Variants in ABCB5 observed in about 807,000 individuals in gnomAD.
ABCB5 encodes ATP binding cassette subfamily B member 5.
A neutral mutation model predicts 144.2 loss-of-function variants in ABCB5; 155 were observed. That is an observed-to-expected ratio of 1.08 (90% CI 0.94 to 1.23). The LOEUF (loss-of-function observed/expected upper bound fraction) is 1.23, where lower values mean the gene tolerates loss of function less well. ABCB5 is among the 50% of genes most tolerant of loss of function. ABCB5 has a pLI of 0.00. For missense variants in ABCB5, 1,830 were observed against 1,520.8 expected (o/e 1.20, Z -3.38); for synonymous variants, 610 against 528.6 (o/e 1.15, Z -2.11).
intron 14 of ABCB5, among the ~76,000 whole-genome samples, chr7:20,671,850 A>C (rs545014647): frequency 6.6e-6 from 1 of 152,328 alleles, no homozygotes; most frequent in Admixed American, 6.5e-5. Context: ...CTGGGATTTA[A>C]ATGGCTGAAT....
chr7:20,714,624 G>A (rs917313201), intron 20 of ABCB5, among the ~76,000 whole-genome samples: 1 of 152,024 alleles, frequency 6.6e-6, no homozygotes, highest in Non-Finnish European at 1.5e-5. Context: ...GTTCTCGGTC[G>A]CACTGACTGA....
intron 20 of ABCB5, 106 bp downstream of exon 20, chr7:20,704,913 A>G (rs948588861): frequency 2.6e-5 from 21 of 816,462 alleles, no homozygotes; most frequent in Middle Eastern, 2.6e-4. Context: ...GATGACCCAC[A>G]TCATTAATGA....
rs1562533943 is a variant in ABCB5 at position 20,643,247 on chromosome 7, C to T, written c.378C>T (p.Ser126=). ...TGATTTTTGGTTACATACAGATTTC[C>T]TTGTGGATTATAACTGCAGCACGAC... ...AALIFGYIQI[S]LWIITAARQT... Residue 126 remains serine, a synonymous_variant, in exon 6 of 28, where the codon TCC becomes TCT. Coordinates refer to ENST00000404938, the MANE Select transcript of ABCB5 (RefSeq NM_001163941.2). The T allele has an allele frequency of 4.3e-6, 7 of 1,613,476 alleles. No individual in the cohort carries two copies. The highest frequency in any genetic ancestry group is 5.9e-6 in the Non-Finnish European group (7 of 1,179,740).
intron 5 of ABCB5, among the ~76,000 whole-genome samples, chr7:20,636,654 G>A (rs1454810588): frequency 6.6e-6 from 1 of 151,530 alleles, no homozygotes; most frequent in South Asian, 2.1e-4. Context: ...GCATGGTGGT[G>A]GGCACCTGTA....
chr7:20,751,907 A>G (rs1342123835), intron 26 of ABCB5, among the ~76,000 whole-genome samples: 1 of 152,244 alleles, frequency 6.6e-6, no homozygotes, highest in Non-Finnish European at 1.5e-5. Context: ...TATTTTTACT[A>G]GGCTTTAGTA....
intron 16 of ABCB5, among the ~76,000 whole-genome samples, chr7:20,694,090 A>T (rs1011942171): frequency 1.6e-4 from 24 of 151,772 alleles, no homozygotes; most frequent in African/African-American, 4.8e-4. Flanking sequence ...TCTATTAAAA[A>T]AAAAAGTGAT....
chr7:20,753,139 T>C (rs1441631154), intron 26 of ABCB5, among the ~76,000 whole-genome samples: 1 of 152,206 alleles, frequency 6.6e-6, no homozygotes, highest in Non-Finnish European at 1.5e-5. Context: ...ATGGCAGAGG[T>C]CTGCTGTCTG....
intron 14 of ABCB5, among the ~76,000 whole-genome samples, chr7:20,670,846 T>G (rs1583414334): frequency 1.3e-5 from 2 of 151,962 alleles, no homozygotes; most frequent in Admixed American, 6.6e-5. Context: ...GAGGCGGAGG[T>G]TGCAGTGAGC....
chr7:20,717,904 T>TTTC (rs1781733922), intron 20 of ABCB5, among the ~76,000 whole-genome samples: 1 of 109,538 alleles, frequency 9.1e-6, no homozygotes, highest in Non-Finnish European at 1.8e-5. Flanking sequence ...TTTTTTTTTT[T>TTTC]TTTTTTTTTT....
chr7:20,728,387 T>G lies in ABCB5; in HGVS notation c.2799T>G (p.Tyr933Ter). ...GCCATGCCTTTATATATTTTGCCTA[T>G]GCGGCAGGGTTTCGATTTGGAGCCT... The part of the protein sequence containing the change: ...AFSHAFIYFA[Y>*]AAGFRFGAYL... The change falls in exon 23 of 28, where the codon TAT (tyrosine) becomes TAG (stop). Residue 933 changes from tyrosine (Y) to a stop codon, truncating the protein, a stop_gained. Transcript: ENST00000404938. LOFTEE classifies it high-confidence loss of function. 6.2e-7 allele frequency: 1 copy of G among 1,614,174 alleles called. No individual in the cohort carries two copies. The highest frequency in any genetic ancestry group is 8.5e-7 in the Non-Finnish European group (1 of 1,180,018).
intron 14 of ABCB5, among the ~76,000 whole-genome samples, chr7:20,664,094 A>C (rs1226238333): frequency 1.3e-5 from 2 of 151,960 alleles, no homozygotes; most frequent in Non-Finnish European, 2.9e-5. Context: ...AAGAACAGTG[A>C]AAAAAAATTA....
intron 14 of ABCB5, among the ~76,000 whole-genome samples, chr7:20,661,534 C>CTCCTTTTTTT (rs1406657803): frequency 7.6e-6 from 1 of 132,388 alleles, no homozygotes; most frequent in African/African-American, 3.2e-5. Context: ...TCTTTCTTTT[C>CTCCTTTTTTT]TTTTTCTTTT....
At position 20,756,365 on chromosome 7, in the gene ABCB5, G is replaced by T. The variant is rs770180176; in HGVS notation, c.*741G>T. 1 of 152,384 alleles carries T rather than the reference G, an allele frequency of 6.6e-6. No individual in the cohort carries two copies. The highest frequency in any genetic ancestry group is 1.5e-5 in the Non-Finnish European group (1 of 68,082). The allele number at this position is 152,384 out of a possible 1,614,324, so 9.4% of individuals were successfully genotyped here. On this transcript the variant is annotated 3_prime_UTR_variant, in exon 28 of 28. Transcript: ENST00000404938. Reference sequence around the variant, plus strand: ...TTAAAATAAGAGCTACTTTTGGGCCGGGTGCGGTGGCTCACGCCTGTAATC... The same window carrying T: ...TTAAAATAAGAGCTACTTTTGGGCCTGGTGCGGTGGCTCACGCCTGTAATC...
chr7:20,638,842 T>C (rs1170613584), intron 5 of ABCB5, among the ~76,000 whole-genome samples: 1 of 152,220 alleles, frequency 6.6e-6, no homozygotes, highest in Non-Finnish European at 1.5e-5. Context: ...CTTCTTTGTG[T>C]GAACATACGT....
chr7:20,667,610 C>G, intron 14 of ABCB5: 1 of 902,320 alleles, frequency 1.1e-6, no homozygotes, highest in Non-Finnish European at 1.3e-6. Context: ...TGGGTCACAT[C>G]ACGTGGCTTC....
rs1362053177 is a variant in ABCB5, at chr7:20,647,972, C to A, written c.1100C>A (p.Pro367His). 6.3e-7 allele frequency: 1 copy of A among 1,579,784 alleles called. No homozygotes were observed. The highest frequency in any genetic ancestry group is 1.1e-5 in the South Asian group (1 of 90,196). The change falls in exon 11 of 28, where the codon CCC becomes CAC. Residue 367 changes from proline (P) to histidine (H), a missense_variant. Transcript: ENST00000404938. Reference protein sequence around the residue: ...FHIFQVIDKKPSIDNFSTAGY... With the variant: ...FHIFQVIDKKHSIDNFSTAGY... Reference sequence around the variant, plus strand: ...CATTTCCTTTGTTTTTCCAAGAAACCCAGTATAGATAACTTTTCCACAGCT... The same window carrying A: ...CATTTCCTTTGTTTTTCCAAGAAACACAGTATAGATAACTTTTCCACAGCT...
At chr7:20,732,115 T>C (rs986058575) in intron 23 of ABCB5, among the ~76,000 whole-genome samples, 3 of 152,202 alleles carry the variant, frequency 2.0e-5, no homozygotes, top group Non-Finnish European at 4.4e-5. Flanking sequence ...ATCTCCCATG[T>C]TAACTACTCA....
At position 20,738,312 on chromosome 7, in the gene ABCB5, G is replaced by A. The variant is rs145718699; in HGVS notation, c.2868-671G>A. Among the ~76,000 whole-genome samples the A allele has an allele frequency of 7.3e-3, 1,107 of 152,304 alleles. 9 individuals are homozygous for A. Among genetic ancestry groups the A allele is most frequent in the South Asian group, 0.04 (193 of 4,822 alleles). ...CATGGTCAGGTCCTGTGCCACAGTC[G>A]AGTAAATATTCTGTGTGCTTCCAAA... On this transcript the variant is annotated intron_variant, in intron 23 of 27. Coordinates refer to ENST00000404938, the MANE Select transcript of ABCB5 (RefSeq NM_001163941.2).
chr7:20,628,779 T>C lies in ABCB5; in HGVS notation c.200T>C (p.Leu67Pro). ...VNGACLPLMP[L>P]VLGEMSDNLI... Reference sequence around the variant, plus strand: ...GGAGCCTGCCTTCCTTTAATGCCACTGGTTTTAGGAGAAATGAGTGATAAC... The same window carrying C: ...GGAGCCTGCCTTCCTTTAATGCCACCGGTTTTAGGAGAAATGAGTGATAAC... The change falls in exon 4 of 28, where the codon CTG (leucine) becomes CCG (proline). Residue 67 changes from leucine to proline, a missense_variant. Physicochemically the swap from Leu to Pro is moderately conservative, Grantham distance 98 (BLOSUM62 -3). Transcript: ENST00000404938. The C allele has an allele frequency of 6.2e-7, 1 of 1,613,778 alleles. No individual in the cohort carries two copies. The highest frequency in any genetic ancestry group is 2.2e-5 in the East Asian group (1 of 44,874).
Sources: gnomAD v4.1 joint callset for allele counts (sites outside exome capture counted in the v4.1 genomes callset) on GRCh38, gnomAD v4.1.1 for gene constraint, MANE v1.5 for transcripts, NCBI Gene and HGNC (gene_info 2026-07-23, HGNC 2026-07-21) for gene names.